Variants in HYDIN observed in about 807,000 individuals in gnomAD.
HYDIN encodes axonemal central pair apparatus protein HYDIN.
A neutral mutation model predicts 403.9 loss-of-function variants in HYDIN; 132 were observed. The observed-to-expected ratio is 0.33, with a 90% CI of 0.28 to 0.38. HYDIN has a LOEUF of 0.38. Ranked by LOEUF, HYDIN falls within the 10% of genes least tolerant of loss-of-function variation. HYDIN has a pLI of 1.00. For synonymous variants in HYDIN, 1,202 were observed against 1,891.7 expected (o/e 0.64, Z 9.46); for missense variants, 2,827 against 5,009.5 (o/e 0.56, Z 13.15).
intron 23 of HYDIN, among the ~76,000 whole-genome samples, chr16:71,002,980 G>A (rs1020881632): frequency 2.6e-5 from 4 of 152,034 alleles, no homozygotes; most frequent in African/African-American, 9.7e-5. Context: ...TGAGTTTAAG[G>A]ATCTGTTTAT....
chr16:71,149,564 T>A (rs1054370121), intron 7 of HYDIN, among the ~76,000 whole-genome samples: 12 of 152,202 alleles, frequency 7.9e-5, no homozygotes, highest in African/African-American at 2.9e-4. Flanking sequence ...TCTTGCTCTG[T>A]TGCCCAGGCT....
At chr16:71,049,298 T>C (rs552108337) in intron 18 of HYDIN, among the ~76,000 whole-genome samples, 137 of 152,338 alleles carry the variant, frequency 9.0e-4, no homozygotes, top group African/African-American at 3.2e-3. Context: ...AACAAAGTTG[T>C]GATGTTCCTG....
At chr16:71,139,520 G>C (rs888172103) in intron 7 of HYDIN, among the ~76,000 whole-genome samples, 1 of 151,740 alleles carries the variant, frequency 6.6e-6, no homozygotes, top group Non-Finnish European at 1.5e-5. Flanking sequence ...GCCATATGTA[G>C]GAAATAGAAA....
intron 45 of HYDIN, among the ~76,000 whole-genome samples, chr16:70,934,242 G>C (rs1485785874): frequency 1.3e-5 from 2 of 152,068 alleles, no homozygotes; most frequent in African/African-American, 4.8e-5. Flanking sequence ...AGAAATGAGG[G>C]GTGACGAGGC....
chr16:70,965,998 T>C (rs961703777), intron 36 of HYDIN, among the ~76,000 whole-genome samples: 3 of 152,200 alleles, frequency 2.0e-5, no homozygotes, highest in East Asian at 1.9e-4. Flanking sequence ...AGAGATGGCA[T>C]AGAGAATCTG....
chr16:71,084,581 G>T (rs1411754943), intron 12 of HYDIN, among the ~76,000 whole-genome samples: 2 of 147,548 alleles, frequency 1.4e-5, no homozygotes, highest in Admixed American at 1.4e-4. Flanking sequence ...TAGAGACAGG[G>T]TTTCACCATG....
intron 5 of HYDIN, among the ~76,000 whole-genome samples, chr16:71,164,921 C>T (rs1305338844): frequency 6.6e-6 from 1 of 152,128 alleles, no homozygotes; most frequent in Admixed American, 6.5e-5. Context: ...ATGAGGCATC[C>T]TTTCATGCTC....
At chr16:71,002,685 T>A (rs1412701242) in intron 23 of HYDIN, among the ~76,000 whole-genome samples, 1 of 148,860 alleles carries the variant, frequency 6.7e-6, no homozygotes, top group African/African-American at 2.5e-5. Flanking sequence ...ATTAATTTTT[T>A]TTTTTTTTTT....
intron 10 of HYDIN, among the ~76,000 whole-genome samples, chr16:71,115,075 T>C (rs945356345): frequency 6.6e-6 from 1 of 151,048 alleles, no homozygotes; most frequent in African/African-American, 2.4e-5. Context: ...CCATGGTCCC[T>C]GATATGGTTA....
intron 23 of HYDIN, among the ~76,000 whole-genome samples, chr16:71,001,806 AGAT>A (rs2079722213): frequency 6.6e-6 from 1 of 151,860 alleles, no homozygotes; most frequent in Non-Finnish European, 1.5e-5. Flanking sequence ...TTCCTGGGAA[AGAT>A]GATGAAAGGC....
Position 71,020,162 on chromosome 16 carries a change from C to T in HYDIN, c.3330+12G>A, listed in dbSNP as rs746668003. On this transcript the variant is annotated intron_variant, in intron 22 of 85. Transcript: ENST00000393567. The stretch of plus-strand genomic sequence containing the variant: ...CCAGACAGCTTGCCAGAACAGACCC[C>T]TATTAAGGTACCTCAGGAGTTGCCG... 6 of 1,613,480 alleles carry T rather than the reference C, an allele frequency of 3.7e-6. No homozygotes were observed. Among genetic ancestry groups the T allele is most frequent in the Admixed American group, 1.7e-5 (1 of 59,958 alleles).
chr16:71,172,372 A>C (rs2086501232), intron 5 of HYDIN, among the ~76,000 whole-genome samples: 1 of 152,166 alleles, frequency 6.6e-6, no homozygotes, highest in African/African-American at 2.4e-5. Context: ...TTCTCATTTT[A>C]ATGGTAAAGA....
At chr16:71,188,051 A>G (rs1366423723) in intron 1 of HYDIN, among the ~76,000 whole-genome samples, 1 of 152,226 alleles carries the variant, frequency 6.6e-6, no homozygotes, top group Admixed American at 6.5e-5. Context: ...AGACTGCGTA[A>G]GAACTATTAT....
At chr16:70,986,433 G>T (rs2144032807) in intron 27 of HYDIN, among the ~76,000 whole-genome samples, 1 of 152,306 alleles carries the variant, frequency 6.6e-6, no homozygotes, top group Middle Eastern at 3.4e-3. Context: ...GACGACGAAG[G>T]CAAGAGAATT....
At chr16:70,835,250 C>A (rs1430695051) in intron 78 of HYDIN, among the ~76,000 whole-genome samples, 1 of 151,924 alleles carries the variant, frequency 6.6e-6, no homozygotes, top group Non-Finnish European at 1.5e-5. Context: ...CCTGCCTCAG[C>A]CTCCCAAAGT....
intron 23 of HYDIN, among the ~76,000 whole-genome samples, chr16:71,001,285 CT>C (rs1273171294): frequency 2.2e-5 from 2 of 91,334 alleles, no homozygotes; most frequent in East Asian, 2.9e-4. Context: ...GCAATAGATG[CT>C]TTTTTTCTGT....
chr16:70,976,858 C>A (rs1201752635), intron 30 of HYDIN, among the ~76,000 whole-genome samples: 1 of 152,058 alleles, frequency 6.6e-6, no homozygotes. Flanking sequence ...AGTCTAGGCC[C>A]AGCAGGGAAG....
chr16:71,165,221 G>A (rs1182560641), intron 5 of HYDIN, among the ~76,000 whole-genome samples: 2 of 150,942 alleles, frequency 1.3e-5, no homozygotes, highest in Admixed American at 6.6e-5. Context: ...TGCCCCCATC[G>A]TTTCTCTGGC....
intron 43 of HYDIN, among the ~76,000 whole-genome samples, chr16:70,940,624 T>G (rs916177438): frequency 3.9e-4 from 59 of 152,204 alleles, no homozygotes; most frequent in African/African-American, 1.3e-3. Context: ...TGGATCAGTA[T>G]GGAGAAATGA....
Sources: gnomAD v4.1 joint callset for allele counts (sites outside exome capture counted in the v4.1 genomes callset) on GRCh38, gnomAD v4.1.1 for gene constraint, MANE v1.5 for transcripts, NCBI Gene and HGNC (gene_info 2026-07-23, HGNC 2026-07-21) for gene names.